RHOT1: variants seen among roughly 807,000 people sequenced by gnomAD.
RHOT1 encodes ras homolog family member T1, also known as mitochondrial Rho GTPase 1.
Under a neutral mutation model 95.3 loss-of-function variants are expected in RHOT1, and 27 were observed. The ratio of observed to expected loss-of-function variants is 0.28; its 90% confidence interval spans 0.21 to 0.39. RHOT1 has a LOEUF of 0.39. RHOT1 is among the 10% of genes least tolerant of loss of function. RHOT1 has a pLI of 1.00. For missense variants in RHOT1, 578 were observed against 786.7 expected (o/e 0.73, Z 3.17); for synonymous variants, 227 against 263.5 (o/e 0.86, Z 1.34).
chr17:32,163,883 G>A (rs893671144), intron 1 of RHOT1, among the ~76,000 whole-genome samples: 14 of 152,074 alleles, frequency 9.2e-5, no homozygotes, highest in South Asian at 2.1e-4. Flanking sequence ...GTGGCCAGGC[G>A]TGGTGGCTCA....
intron 8 of RHOT1, among the ~76,000 whole-genome samples, chr17:32,186,612 G>A (rs976433761): frequency 1.3e-5 from 2 of 151,888 alleles, no homozygotes; most frequent in Non-Finnish European, 2.9e-5. Context: ...TGATCCGCCC[G>A]CCTCGGCCCC....
chr17:32,162,541 T>A (rs541354096), intron 1 of RHOT1, among the ~76,000 whole-genome samples: 11 of 152,192 alleles, frequency 7.2e-5, no homozygotes, highest in Non-Finnish European at 1.5e-4. Flanking sequence ...GAATGCTAGT[T>A]CCAGAATCTC....
intron 19 of RHOT1, among the ~76,000 whole-genome samples, chr17:32,220,020 A>G (rs2038728496): frequency 6.6e-6 from 1 of 152,228 alleles, no homozygotes; most frequent in Non-Finnish European, 1.5e-5. Flanking sequence ...TCTTAATGAA[A>G]ACATCCTAAA....
Position 32,165,360 on chromosome 17 carries a change from AAAC to A in RHOT1, c.38-5680_38-5678del, listed in dbSNP as rs1166062053. Among the ~76,000 whole-genome samples the A allele has an allele frequency of 1.7e-3, 237 of 140,358 alleles. 6 individuals carry two copies. The highest frequency in any genetic ancestry group is 7.0e-3 in the African/African-American group (222 of 31,520). The allele number at this position is 140,358 out of a possible 152,430, so 92.1% of individuals were successfully genotyped here. ...TCAAAAAAAAAAAAAAAAAAAAAAA[AAAC>A]AATACAAAAATTAGCCAGGCATGGT... On this transcript the variant is annotated intron_variant, in intron 1 of 19. Transcript: ENST00000545287.
chr17:32,150,917 T>G (rs2032202065), intron 1 of RHOT1: 1 of 1,544,920 alleles, frequency 6.5e-7, no homozygotes, highest in African/African-American at 1.4e-5. Flanking sequence ...GTGGGCACAT[T>G]CTTCTTGGAT....
chr17:32,142,691 A>C lies in RHOT1; in HGVS notation c.-2A>C, dbSNP rs1218882653. ...GGAGGCCGGCCCCCGAGAGCCGCCG[A>C]CATGAAGAAAGACGTGCGGATCCTG... On this transcript the variant is annotated 5_prime_UTR_variant, in exon 1 of 20. Coordinates refer to ENST00000545287, the MANE Select transcript of RHOT1 (RefSeq NM_001033566.3). 3 of 1,528,416 alleles carry C rather than the reference A, an allele frequency of 2.0e-6. No individual in the cohort carries two copies. The highest frequency in any genetic ancestry group is 2.6e-6 in the Non-Finnish European group (3 of 1,138,706). The allele number at this position is 1,528,416 out of a possible 1,614,324, so 94.7% of individuals were successfully genotyped here.
Position 32,201,003 on chromosome 17 carries a change from A to T in RHOT1, c.1148A>T (p.Tyr383Phe). Residue 383 changes from tyrosine (Y) to phenylalanine (F), a missense_variant, in exon 14 of 20, where the codon TAT becomes TTT. Tyr to Phe is a conservative substitution (Grantham distance 22, BLOSUM62 3). Transcript: ENST00000545287. The stretch of plus-strand genomic sequence containing the variant: ...CAGCGGTGCCTGGAATATTTGGGCT[A>T]TCTAGGCTATTCAATATTGACTGAG... ...DVQRCLEYLGYLGYSILTEQE... is the reference protein window; with the variant it reads ...DVQRCLEYLGFLGYSILTEQE... 6.2e-7 allele frequency: 1 copy of T among 1,612,880 alleles called. No individual in the cohort carries two copies. The highest frequency in any genetic ancestry group is 1.3e-5 in the African/African-American group (1 of 74,946).
chr17:32,149,497 A>T (rs1271084840), intron 1 of RHOT1, among the ~76,000 whole-genome samples: 1 of 148,270 alleles, frequency 6.7e-6, no homozygotes, highest in Non-Finnish European at 1.5e-5. Context: ...AAAATGTTTC[A>T]TTATCTTTAG....
rs114284449 is a variant in RHOT1 at position 32,189,305 on chromosome 17, A to C, written c.541-2896A>C. On this transcript the variant is annotated intron_variant, in intron 8 of 19. Coordinates refer to ENST00000545287, the MANE Select transcript of RHOT1 (RefSeq NM_001033566.3). ...CAGAGCGAGGAGACCCCACCTCAAG[A>C]AAAAAACAAAACAAAAAACAACAAA... Among the ~76,000 whole-genome samples, 464 of 152,288 alleles carry C rather than the reference A, an allele frequency of 3.0e-3. 5 individuals are homozygous for C. Among genetic ancestry groups the C allele is most frequent in the African/African-American group, 0.01 (427 of 41,564 alleles).
At chr17:32,186,871 A>C (rs1178494846) in intron 8 of RHOT1, among the ~76,000 whole-genome samples, 1 of 152,158 alleles carries the variant, frequency 6.6e-6, no homozygotes. Context: ...TGAGTTGCCC[A>C]AGGTGGTCTT....
chr17:32,144,473 T>TGGA (rs2030976831), intron 1 of RHOT1, among the ~76,000 whole-genome samples: 1 of 151,864 alleles, frequency 6.6e-6, no homozygotes. Context: ...ACTTGAACCC[T>TGGA]GGAGGAGGAG....
rs1406703711 is a variant in RHOT1, at chr17:32,176,043, T to C, written c.276+28T>C. 7.5e-6 allele frequency: 12 copies of C among 1,597,704 alleles called. No homozygotes were observed. The South Asian group carries it at 1.0e-4, about 14-fold the overall frequency. ...AGGTGTGATCTTTTTTTCCCTATAG[T>C]TGGTTTCAGTGGAGTGCTTCCAAAG... On this transcript the variant is annotated intron_variant, in intron 5 of 19. Coordinates refer to ENST00000545287, the MANE Select transcript of RHOT1 (RefSeq NM_001033566.3).
At chr17:32,221,938 CAACA>C (rs886441931) in intron 19 of RHOT1, among the ~76,000 whole-genome samples, 55 of 152,194 alleles carry the variant, frequency 3.6e-4, no homozygotes, top group African/African-American at 1.3e-3. Flanking sequence ...TCATCTCTAT[CAACA>C]AACAAACAAA....
chr17:32,186,742 G>A (rs144096917), intron 8 of RHOT1, among the ~76,000 whole-genome samples: 1 of 152,214 alleles, frequency 6.6e-6, no homozygotes, highest in African/African-American at 2.4e-5. Flanking sequence ...GCTCACTGCA[G>A]CCTTAACCTC....
chr17:32,185,685 G>A (rs947321324), intron 8 of RHOT1, among the ~76,000 whole-genome samples: 1 of 151,186 alleles, frequency 6.6e-6, no homozygotes, highest in African/African-American at 2.4e-5. Flanking sequence ...TGGGATTACA[G>A]GTGTGAACCG....
At position 32,182,843 on chromosome 17, in the gene RHOT1, C is replaced by A; in HGVS notation, c.416C>A (p.Thr139Lys). The A allele has an allele frequency of 6.3e-7, 1 of 1,584,320 alleles. No individual in the cohort carries two copies. The change falls in exon 7 of 20, where the codon ACA becomes AAA. Residue 139 changes from threonine (T) to lysine (K), a missense_variant. Physicochemically the swap from Thr to Lys is moderately conservative, Grantham distance 78 (BLOSUM62 -1). Around this residue, in one of 4 missense-constraint regions of RHOT1, gnomAD observed 227 missense variants for 316.0 expected, o/e 0.72. Transcript: ENST00000545287. ...ATCCTTCCTATTATGAACCAGTATA[C>A]AGAAATAGAAACCTGTGTGGAGGTA... is the stretch of plus-strand genomic sequence containing the variant. Reference protein sequence around the residue: ...ETILPIMNQYTEIETCVECSA... With the variant: ...ETILPIMNQYKEIETCVECSA...
At chr17:32,209,313 A>G in intron 18 of RHOT1, 1 of 1,159,728 alleles carries the variant, frequency 8.6e-7, no homozygotes, top group Non-Finnish European at 1.2e-6. Flanking sequence ...TTTATGTTTT[A>G]CCTTTGCTTT....
rs764926786 is a variant in RHOT1, at chr17:32,209,379, G to A, written c.1739+1070G>A. 2.3e-5 allele frequency: 37 copies of A among 1,610,086 alleles called. No homozygotes were observed. The highest frequency in any genetic ancestry group is 1.3e-4 in the Admixed American group (8 of 59,854). On this transcript the variant is annotated intron_variant, in intron 18 of 19. Transcript: ENST00000545287. ...GATCATTACAGAGACAGACTCTCCC[G>A]AGACATGGGCCACACTGATAGAATA...
chr17:32,164,949 A>G (rs2033907968), intron 1 of RHOT1, among the ~76,000 whole-genome samples: 1 of 152,118 alleles, frequency 6.6e-6, no homozygotes, highest in Non-Finnish European at 1.5e-5. Context: ...ACTTCAGGCC[A>G]GGAGTTCAAG....
Sources: allele counts gnomAD v4.1 joint callset (sites outside exome capture counted in the v4.1 genomes callset), GRCh38; gene constraint gnomAD v4.1.1; regional missense constraint gnomAD v4.1.1; transcripts MANE v1.5; gene names NCBI Gene and HGNC (gene_info 2026-07-23, HGNC 2026-07-21).